TERB1: variants seen among roughly 807,000 people sequenced by gnomAD.
TERB1 encodes the protein telomere repeats-binding bouquet formation protein 1.
A neutral mutation model predicts 92.3 loss-of-function variants in TERB1; 63 were observed. The observed-to-expected ratio is 0.68, with a 90% CI of 0.56 to 0.84. The LOEUF is 0.84. Among genes scored for constraint, TERB1 ranks in the 40% least tolerant of loss-of-function variants. The probability of loss-of-function intolerance (pLI) is 0.00; values close to 1 mark genes in which losing one functional copy is unlikely to be tolerated. For missense variants in TERB1, 709 were observed against 843.7 expected (o/e 0.84, Z 1.98); for synonymous variants, 252 against 283.9 (o/e 0.89, Z 1.13).
intron 1 of TERB1, among the ~76,000 whole-genome samples, 199 bp from the exon 2 acceptor site, chr16:66,801,252 G>A (rs1018041253): frequency 6.6e-6 from 1 of 152,188 alleles, no homozygotes; most frequent in Non-Finnish European, 1.5e-5. Flanking sequence ...AGTGAAATAG[G>A]GGGGAATACT....
chr16:66,764,191 G>A (rs1177335527), intron 16 of TERB1, among the ~76,000 whole-genome samples: 1 of 152,212 alleles, frequency 6.6e-6, no homozygotes, highest in Non-Finnish European at 1.5e-5. Context: ...AGGATCAGTT[G>A]AGAGGTTACT....
chr16:66,768,056 C>T (rs1459071733), intron 15 of TERB1, 48 bp downstream of exon 15: 4 of 1,417,440 alleles, frequency 2.8e-6, no homozygotes, highest in Non-Finnish European at 3.9e-6. Flanking sequence ...TATTGGTTAC[C>T]TAAATATCTG....
chr16:66,756,149 T>C (rs2145032311), intron 18 of TERB1, among the ~76,000 whole-genome samples: 1 of 152,338 alleles, frequency 6.6e-6, no homozygotes, highest in Non-Finnish European at 1.5e-5. Flanking sequence ...TCAATGTGGG[T>C]AGATGCTGGT....
rs201460994 is a variant in TERB1 at position 66,775,709 on chromosome 16, AT to A, written c.986-467del. Among the ~76,000 whole-genome samples the A allele has an allele frequency of 8.9e-3, 1,155 of 129,572 alleles. 3 individuals are homozygous for A. Among genetic ancestry groups the A allele is most frequent in the Middle Eastern group, 0.012 (3 of 246 alleles). 85.0% of individuals were successfully genotyped at this position (129,572 alleles called of 152,430 possible). A position where few individuals can be genotyped will look rare whatever the true frequency, so the allele number is the denominator to read the frequency against. ...TAGAGAAACACATAGTTTCAAAAGG[AT>A]TTTTTTTTTTTTTTTTTTGAGAGGG... On this transcript the variant is annotated intron_variant, in intron 11 of 18. Coordinates refer to ENST00000433154, the MANE Select transcript of TERB1 (RefSeq NM_001136505.2).
chr16:66,771,638 TACACACACACACACACACACACAC>T (rs57620654), intron 13 of TERB1, among the ~76,000 whole-genome samples: 2 of 142,988 alleles, frequency 1.4e-5, no homozygotes, highest in Non-Finnish European at 1.6e-5. Context: ...TGTTACAGAA[TACACACACACACACACACACACAC>T]ACACACACAC....
intron 3 of TERB1, among the ~76,000 whole-genome samples, chr16:66,792,624 A>T (rs2018854933): frequency 1.3e-5 from 2 of 152,340 alleles, no homozygotes; most frequent in Non-Finnish European, 1.5e-5. Context: ...AATGATGGGG[A>T]TACATTCTGA....
chr16:66,781,668 C>T (rs2018639805), intron 9 of TERB1, among the ~76,000 whole-genome samples: 1 of 151,826 alleles, frequency 6.6e-6, no homozygotes, highest in African/African-American at 2.4e-5. Context: ...TACAGGCGCC[C>T]ACCACCACGC....
chr16:66,765,940 C>A (rs1002879294), intron 16 of TERB1, among the ~76,000 whole-genome samples: 1 of 133,278 alleles, frequency 7.5e-6, no homozygotes, highest in African/African-American at 2.8e-5. Flanking sequence ...GGCGCAATCT[C>A]GGCTCACTGC....
chr16:66,799,590 C>T (rs1485534533), intron 2 of TERB1, among the ~76,000 whole-genome samples: 1 of 152,150 alleles, frequency 6.6e-6, no homozygotes, highest in African/African-American at 2.4e-5. Context: ...GTCACCCACA[C>T]TCTTTTCTCC....
At position 66,767,478 on chromosome 16, in the gene TERB1, T is replaced by C; in HGVS notation, c.1717A>G (p.Lys573Glu). The C allele has an allele frequency of 6.6e-7, 1 of 1,523,386 alleles. No individual in the cohort carries two copies. The highest frequency in any genetic ancestry group is 8.8e-7 in the Non-Finnish European group (1 of 1,134,198). The allele number at this position is 1,523,386 out of a possible 1,614,324, so 94.4% of individuals were successfully genotyped here. The change falls in exon 16 of 19, where the codon AAA becomes GAA. Residue 573 changes from lysine (K) to glutamate (E), a missense_variant. Transcript: ENST00000433154. ...GTTGCTAGAAAACTGACTACTTCTT[T>C]ATTTATTATATCTGAACATAATGTA... ...PFTLCSDIIN[K>E]EVVSFLATPS... is the part of the protein sequence containing the mutation.
intron 12 of TERB1, among the ~76,000 whole-genome samples, chr16:66,774,129 C>T (rs1038725654): frequency 2.6e-5 from 4 of 151,418 alleles, no homozygotes; most frequent in African/African-American, 9.7e-5. Flanking sequence ...GATCCACCCG[C>T]CTAGGCCTCC....
chr16:66,779,808 A>T (rs576000803), intron 9 of TERB1, among the ~76,000 whole-genome samples: 2 of 152,340 alleles, frequency 1.3e-5, no homozygotes, highest in South Asian at 4.1e-4. Flanking sequence ...CTAAAAGAGC[A>T]TACATCTCAT....
At chr16:66,758,866 AT>A in intron 17 of TERB1, 28 bp from the exon 18 acceptor site, 1 of 1,404,330 alleles carries the variant, frequency 7.1e-7, no homozygotes. Flanking sequence ...CATTTAGCAC[AT>A]TTAGCGTATC....
At position 66,790,646 on chromosome 16, in the gene TERB1, T is replaced by C. The variant is rs930436712; in HGVS notation, c.220A>G (p.Met74Val). ...GTATATAAGGCTGCTTCTTTTACCATGCTATGTTCACTTGACTTTGCAAGA... is the reference window on the plus strand; with the variant it reads ...GTATATAAGGCTGCTTCTTTTACCACGCTATGTTCACTTGACTTTGCAAGA... The part of the protein sequence containing the change: ...KNLAKSSEHS[M>V]VKEAALYTLG... Residue 74 changes from methionine (M) to valine (V), a missense_variant, in exon 5 of 19, where the codon ATG becomes GTG. Met to Val is a conservative substitution (Grantham distance 21). Transcript: ENST00000433154. The C allele has an allele frequency of 5.8e-5, 90 of 1,550,824 alleles. No homozygotes were observed. The highest frequency in any genetic ancestry group is 7.8e-5 in the Non-Finnish European group (89 of 1,146,372).
At chr16:66,796,375 C>CA (rs2018929702) in intron 3 of TERB1, among the ~76,000 whole-genome samples, 1 of 152,130 alleles carries the variant, frequency 6.6e-6, no homozygotes, top group African/African-American at 2.4e-5. Context: ...TCTTCCTCAG[C>CA]TAAAACCTTA....
At chr16:66,767,002 AAAGT>A (rs1456432762) in intron 16 of TERB1, among the ~76,000 whole-genome samples, 1 of 152,204 alleles carries the variant, frequency 6.6e-6, no homozygotes, top group Non-Finnish European at 1.5e-5. Context: ...CAAAGGGAAC[AAAGT>A]AAATCATACA....
Position 66,790,758 on chromosome 16 carries a change from T to C in TERB1, c.143-35A>G, listed in dbSNP as rs376388411. 3.6e-5 allele frequency: 56 copies of C among 1,541,876 alleles called. No individual in the cohort carries two copies. In the East Asian group the frequency reaches 1.2e-3, roughly 34 times the overall value. ...GTGCAGAAAAAAAACAAAATAGAAA[T>C]GATATTTATTTTCAGGGATAAAATA... On this transcript the variant is annotated intron_variant, in intron 4 of 18. Coordinates refer to ENST00000433154, the MANE Select transcript of TERB1 (RefSeq NM_001136505.2).
At chr16:66,758,215 C>T (rs570145393) in intron 18 of TERB1, 3 of 153,230 alleles carry the variant, frequency 2.0e-5, no homozygotes, top group Non-Finnish European at 4.4e-5. Context: ...CTATACAACA[C>T]CTAACACCTA....
chr16:66,777,058 A>C, intron 11 of TERB1, 145 bp downstream of exon 11: 8 of 657,288 alleles, frequency 1.2e-5, no homozygotes. Flanking sequence ...GAGAATTAGG[A>C]GCTGAAATGA....
Sources: allele counts gnomAD v4.1 joint callset (sites outside exome capture counted in the v4.1 genomes callset), GRCh38; gene constraint gnomAD v4.1.1; transcripts MANE v1.5; gene names NCBI Gene and HGNC (gene_info 2026-07-23, HGNC 2026-07-21).